The following LETM1 variants were observed in gnomAD, a reference collection of about 807,000 sequenced individuals.
The protein encoded by LETM1 is mitochondrial proton/calcium exchanger protein.
Under a neutral mutation model 74.5 loss-of-function variants are expected in LETM1, and 50 were observed. The observed-to-expected ratio is 0.67, with a 90% CI of 0.53 to 0.85. The LOEUF (loss-of-function observed/expected upper bound fraction) is 0.85, where lower values mean the gene tolerates loss of function less well. Ranked by LOEUF, LETM1 falls within the 40% of genes least tolerant of loss-of-function variation. The pLI, the probability that LETM1 is intolerant of heterozygous loss-of-function variation, is 0.00. For missense variants in LETM1, 824 were observed against 967.8 expected (o/e 0.85, Z 1.97); for synonymous variants, 446 against 407.1 (o/e 1.10, Z -1.15).
intron 2 of LETM1, among the ~76,000 whole-genome samples, chr4:1,843,405 G>A (rs962618736): frequency 6.6e-6 from 1 of 152,226 alleles, no homozygotes; most frequent in African/African-American, 2.4e-5. Context: ...CCCAGAGAGG[G>A]CAGTGCGGCT....
intron 6 of LETM1, among the ~76,000 whole-genome samples, chr4:1,830,631 G>A (rs1712233445): frequency 1.3e-5 from 2 of 152,158 alleles, no homozygotes; most frequent in South Asian, 2.1e-4. Flanking sequence ...ACTGTGCCTG[G>A]CCTTAGTATC....
rs142728510 is a variant in LETM1 at position 1,840,684 on chromosome 4, C to T, written c.594+663G>A. ...CCATCTCAAAAAATAAATAAATAAA[C>T]AAATAAATATAAAAATAATAATAAT... On this transcript the variant is annotated intron_variant, in intron 3 of 13. Transcript: ENST00000302787. 9.2e-3 allele frequency among the ~76,000 whole-genome samples: 1,376 copies of T among 150,264 alleles called. 6 individuals carry two copies. The highest frequency in any genetic ancestry group is 0.02 in the East Asian group (103 of 5,046).
At chr4:1,829,994 C>T (rs1270597630) in intron 6 of LETM1, among the ~76,000 whole-genome samples, 1 of 152,200 alleles carries the variant, frequency 6.6e-6, no homozygotes, top group Non-Finnish European at 1.5e-5. Context: ...ACTCAGGGTT[C>T]ACTCAGCTTC....
chr4:1,822,224 G>C lies in LETM1; in HGVS notation c.1565C>G (p.Ser522Ter). Residue 522 changes from serine (S) to a stop codon, truncating the protein, a stop_gained, in exon 10 of 14, where the codon TCA becomes TGA. Transcript: ENST00000302787. LOFTEE classifies it high-confidence loss of function. ...CGGGGCAGTGTCCTTCAAGGTCTCT[G>C]ACTGCAGGACTGTGTCAGGCATTTC... ...QPEMPDTVLQ[S>*]ETLKDTAPVL... 1.3e-6 allele frequency: 2 copies of C among 1,521,954 alleles called. No homozygotes were observed. The highest frequency in any genetic ancestry group is 1.3e-5 in the South Asian group (1 of 79,728). 94.3% of individuals were successfully genotyped at this position (1,521,954 alleles called of 1,614,324 possible). A position where few individuals can be genotyped will look rare whatever the true frequency, so the allele number is the denominator to read the frequency against.
chr4:1,840,527 C>G (rs892873735), intron 3 of LETM1, among the ~76,000 whole-genome samples: 1 of 150,094 alleles, frequency 6.7e-6, no homozygotes, highest in Non-Finnish European at 1.5e-5. Flanking sequence ...ATTAGCCGGG[C>G]GTGGTGGCGG....
chr4:1,825,467 C>T, intron 7 of LETM1, 97 bp downstream of exon 7: 1 of 1,472,004 alleles, frequency 6.8e-7, no homozygotes, highest in Non-Finnish European at 9.2e-7. Flanking sequence ...CCTCGCCAGG[C>T]CGGCCCAGAG....
intron 6 of LETM1, among the ~76,000 whole-genome samples, chr4:1,829,450 T>G (rs1409777699): frequency 4.6e-5 from 7 of 152,208 alleles, no homozygotes; most frequent in Non-Finnish European, 8.8e-5. Context: ...AAAATAATGC[T>G]CCACTTCCTC....
intron 7 of LETM1, among the ~76,000 whole-genome samples, chr4:1,824,251 G>A (rs1711901783): frequency 2.0e-5 from 3 of 152,268 alleles, no homozygotes; most frequent in South Asian, 4.1e-4. Context: ...AACCAGGGAG[G>A]CGGAGGTTGT....
At chr4:1,838,570 T>C (rs945012170) in intron 3 of LETM1, among the ~76,000 whole-genome samples, 8 of 152,122 alleles carry the variant, frequency 5.3e-5, no homozygotes, top group African/African-American at 1.9e-4. Flanking sequence ...CCAGCTACAC[T>C]GGAGGCTGAG....
Position 1,832,810 on chromosome 4 carries a change from G to A in LETM1, c.1014C>T (p.Ile338=), listed in dbSNP as rs759765700. 5.6e-6 allele frequency: 9 copies of A among 1,614,074 alleles called. No homozygotes were observed. Among genetic ancestry groups the A allele is most frequent in the African/African-American group, 2.7e-5 (2 of 74,926 alleles). ...GGAAGCGCAGGAAGTTGTTGGTGCCGATGGACTGTAGCTCCAGCAGCTTGC... is the reference window on the plus strand; with the variant it reads ...GGAAGCGCAGGAAGTTGTTGGTGCCAATGGACTGTAGCTCCAGCAGCTTGC... ...ALCKLLELQS[I]GTNNFLRFQL... Residue 338 remains isoleucine (I), a synonymous_variant, in exon 6 of 14, where the codon ATC becomes ATT. Transcript: ENST00000302787.
chr4:1,826,365 G>A (rs180974731), intron 6 of LETM1, among the ~76,000 whole-genome samples: 5 of 152,310 alleles, frequency 3.3e-5, no homozygotes, highest in East Asian at 3.9e-4. Context: ...CAAACTTGAC[G>A]TAACTGTGGA....
At chr4:1,846,321 C>G (rs574262307) in intron 2 of LETM1, among the ~76,000 whole-genome samples, 1 of 152,124 alleles carries the variant, frequency 6.6e-6, no homozygotes, top group Non-Finnish European at 1.5e-5. Flanking sequence ...AGTACAGTGG[C>G]GCCATCTTGG....
At chr4:1,817,238 C>T (rs1711598410) in intron 11 of LETM1, among the ~76,000 whole-genome samples, 1 of 95,030 alleles carries the variant, frequency 1.1e-5, no homozygotes, top group Non-Finnish European at 1.9e-5. Flanking sequence ...GAGCGAGACT[C>T]TGTCTCCAAA....
intron 2 of LETM1, among the ~76,000 whole-genome samples, chr4:1,847,868 G>A (rs1444711004): frequency 1.3e-5 from 2 of 149,566 alleles, no homozygotes; most frequent in Non-Finnish European, 1.5e-5. Flanking sequence ...TGTGGTGTGC[G>A]CGCCTGTAAT....
Position 1,814,172 on chromosome 4 carries a change from G to C in LETM1, c.*252C>G, listed in dbSNP as rs1722543710. 1.8e-6 allele frequency: 1 copy of C among 559,316 alleles called. No individual in the cohort carries two copies. The highest frequency in any genetic ancestry group is 3.1e-6 in the Non-Finnish European group (1 of 324,294). 34.6% of individuals were successfully genotyped at this position (559,316 alleles called of 1,614,324 possible). A position where few individuals can be genotyped will look rare whatever the true frequency, so the allele number is the denominator to read the frequency against. ...GCCTTGGCCCAGCCCAGCTGCCTCTGGAGCCAGGAGGCCGTGGCAGCCACA... is the reference window on the plus strand; with the variant it reads ...GCCTTGGCCCAGCCCAGCTGCCTCTCGAGCCAGGAGGCCGTGGCAGCCACA... On this transcript the variant is annotated 3_prime_UTR_variant, in exon 14 of 14. Coordinates refer to ENST00000302787, the MANE Select transcript of LETM1 (RefSeq NM_012318.3).
chr4:1,829,214 G>T (rs1219066050), intron 6 of LETM1, among the ~76,000 whole-genome samples: 2 of 131,472 alleles, frequency 1.5e-5, no homozygotes, highest in African/African-American at 6.0e-5. Context: ...CTGGCCGGGC[G>T]GGGGGCCGAC....
At chr4:1,845,481 A>G (rs971488228) in intron 2 of LETM1, among the ~76,000 whole-genome samples, 1 of 152,154 alleles carries the variant, frequency 6.6e-6, no homozygotes, top group Non-Finnish European at 1.5e-5. Flanking sequence ...TGTGTGACCA[A>G]ATAAAAAGTA....
intron 2 of LETM1, chr4:1,842,953 T>C: frequency 3.4e-6 from 1 of 298,070 alleles, no homozygotes; most frequent in Non-Finnish European, 6.8e-6. Context: ...CCTGGCACAC[T>C]AGAAACTCCC....
chr4:1,828,676 G>A lies in LETM1; in HGVS notation c.1081-2993C>T, dbSNP rs1312597784. On this transcript the variant is annotated intron_variant, in intron 6 of 13. Transcript: ENST00000302787. ...CCTCCCGGACGGGGCAGCTGGCTGG[G>A]CGGGGGGCTGACCCCCCAACCTCCC... Among the ~76,000 whole-genome samples, 4 of 136,110 alleles carry A rather than the reference G, an allele frequency of 2.9e-5. No individual in the cohort carries two copies. In the South Asian group the frequency reaches 9.3e-4, roughly 32 times the overall value. 89.3% of individuals were successfully genotyped at this position (136,110 alleles called of 152,430 possible).
Sources: gnomAD v4.1 joint callset for allele counts (sites outside exome capture counted in the v4.1 genomes callset) on GRCh38, gnomAD v4.1.1 for gene constraint, MANE v1.5 for transcripts, NCBI Gene and HGNC (gene_info 2026-07-23, HGNC 2026-07-21) for gene names.